Variants in MANEA observed in about 807,000 individuals in gnomAD.
MANEA encodes the protein glycoprotein endo-alpha-1,2-mannosidase.
In MANEA, 25 loss-of-function variants were observed where a neutral mutation model predicts 36.8. That is an observed-to-expected ratio of 0.68 (90% CI 0.50 to 0.95). MANEA has a LOEUF of 0.95. MANEA is among the 40% of genes least tolerant of loss of function. The pLI, the probability that MANEA is intolerant of heterozygous loss-of-function variation, is 0.00. For synonymous variants in MANEA, 198 were observed against 188.5 expected (o/e 1.05, Z -0.41); for missense variants, 565 against 558.8 (o/e 1.01, Z -0.11).
At position 95,596,857 on chromosome 6, in the gene MANEA, T is replaced by G; in HGVS notation, c.654+11T>G. 1 of 1,360,436 alleles carries G rather than the reference T, an allele frequency of 7.4e-7. No homozygotes were observed. The highest frequency in any genetic ancestry group is 1.0e-6 in the Non-Finnish European group (1 of 952,440). The allele number at this position is 1,360,436 out of a possible 1,614,324, so 84.3% of individuals were successfully genotyped here. A position where few individuals can be genotyped will look rare whatever the true frequency, so the allele number is the denominator to read the frequency against. ...AAATATAACCTAAAGGTATTTTATT[T>G]TATTTTCAAGCTATACATAAGTTAA... On this transcript the variant is annotated intron_variant, in intron 3 of 4. Transcript: ENST00000358812.
intron 3 of MANEA, among the ~76,000 whole-genome samples, chr6:95,599,476 C>T (rs1769549292): frequency 6.6e-6 from 1 of 151,690 alleles, no homozygotes; most frequent in Admixed American, 6.6e-5. Flanking sequence ...GAGATTGCAA[C>T]CACTCTTAAA....
At chr6:95,595,076 T>G (rs1314885153) in intron 2 of MANEA, among the ~76,000 whole-genome samples, 1 of 152,212 alleles carries the variant, frequency 6.6e-6, no homozygotes, top group Non-Finnish European at 1.5e-5. Context: ...TTGTTTTTAC[T>G]TTTATGGAAG....
At chr6:95,595,162 C>T (rs1191646261) in intron 2 of MANEA, among the ~76,000 whole-genome samples, 1 of 151,964 alleles carries the variant, frequency 6.6e-6, no homozygotes, top group Non-Finnish European at 1.5e-5. Flanking sequence ...TATTTTGTTC[C>T]TTTCATTTTC....
At position 95,606,009 on chromosome 6, in the gene MANEA, T is replaced by G; in HGVS notation, c.993T>G (p.Tyr331Ter). The change falls in exon 5 of 5, where the codon TAT becomes TAG. Residue 331 changes from tyrosine (Y) to a stop codon, truncating the protein, a stop_gained. Coordinates refer to ENST00000358812, the MANE Select transcript of MANEA (RefSeq NM_024641.4). LOFTEE classifies it high-confidence loss of function. Reference sequence around the variant, plus strand: ...ATTTTGCCACAAATGGCTTTACTTATGGCTCATCACATCAGAATTGGGCTA... The same window carrying G: ...ATTTTGCCACAAATGGCTTTACTTAGGGCTCATCACATCAGAATTGGGCTA... Reference protein sequence around the residue: ...YTYFATNGFTYGSSHQNWASL... With the variant: ...YTYFATNGFT 6.2e-7 allele frequency: 1 copy of G among 1,614,086 alleles called. No individual in the cohort carries two copies. The highest frequency in any genetic ancestry group is 8.5e-7 in the Non-Finnish European group (1 of 1,179,978).
Position 95,596,834 on chromosome 6 carries a change from A to G in MANEA, c.642A>G (p.Lys214=). The G allele has an allele frequency of 6.6e-7, 1 of 1,515,006 alleles. No individual in the cohort carries two copies. Among genetic ancestry groups the G allele is most frequent in the Non-Finnish European group, 9.2e-7 (1 of 1,090,354 alleles). 93.8% of individuals were successfully genotyped at this position (1,515,006 alleles called of 1,614,324 possible). ...LVPTILDKAH[K]YNLKVTFHIE... ...CCACTATTTTGGATAAAGCTCATAAATATAACCTAAAGGTATTTTATTTTA... is the reference window on the plus strand; with the variant it reads ...CCACTATTTTGGATAAAGCTCATAAGTATAACCTAAAGGTATTTTATTTTA... The change falls in exon 3 of 5, where the codon AAA becomes AAG. Residue 214 remains lysine (K), a synonymous_variant. Transcript: ENST00000358812.
At chr6:95,598,491 G>A (rs971156380) in intron 3 of MANEA, among the ~76,000 whole-genome samples, 11 of 152,116 alleles carry the variant, frequency 7.2e-5, no homozygotes, top group African/African-American at 1.9e-4. Context: ...TTCTATATAT[G>A]GGCCTCCAGC....
At chr6:95,590,333 C>T (rs1002445745) in intron 2 of MANEA, among the ~76,000 whole-genome samples, 2 of 152,174 alleles carry the variant, frequency 1.3e-5, no homozygotes, top group Admixed American at 6.5e-5. Flanking sequence ...TTTTCCATGA[C>T]GTTCCAAGCT....
At chr6:95,601,044 GT>G (rs1054486164) in intron 3 of MANEA, among the ~76,000 whole-genome samples, 4 of 151,402 alleles carry the variant, frequency 2.6e-5, no homozygotes, top group Non-Finnish European at 4.4e-5. Context: ...ATGTGACTAG[GT>G]TTTTTTTTGG....
rs1283439728 is a variant in MANEA at position 95,583,702 on chromosome 6, C to G, written c.-38-2700C>G. Among the ~76,000 whole-genome samples, 4 of 152,114 alleles carry G rather than the reference C, an allele frequency of 2.6e-5. No individual in the cohort carries two copies. In the East Asian group the frequency reaches 5.8e-4, roughly 22 times the overall value. On this transcript the variant is annotated intron_variant, in intron 1 of 4. Transcript: ENST00000358812. ...AGGGAGAAGGGCAGGACTGGTGATT[C>G]AGAGGGAGCACGAGAAGTGGAAAGG...
chr6:95,606,693 C>G lies in MANEA; in HGVS notation c.*288C>G, dbSNP rs11153709. ...TGATGGCAATTGAATTTTCATTTTA[C>G]AATAGATAAATGCTTGTGCTACCTA... On this transcript the variant is annotated 3_prime_UTR_variant, in exon 5 of 5. Coordinates refer to ENST00000358812, the MANE Select transcript of MANEA (RefSeq NM_024641.4). 1,778 of 178,430 alleles carry G rather than the reference C, an allele frequency of 1.0e-2. 41 individuals carry two copies. Among genetic ancestry groups the G allele is most frequent in the African/African-American group, 0.041 (1,718 of 42,292 alleles). The allele number at this position is 178,430 out of a possible 1,614,324, so 11.1% of individuals were successfully genotyped here. A position where few individuals can be genotyped will look rare whatever the true frequency, so the allele number is the denominator to read the frequency against.
intron 3 of MANEA, among the ~76,000 whole-genome samples, chr6:95,602,502 T>G (rs969551376): frequency 2.0e-5 from 3 of 152,116 alleles, no homozygotes; most frequent in Admixed American, 6.6e-5. Context: ...TTATTAAAAT[T>G]TATTTATTAA....
At chr6:95,602,041 TCTC>T (rs1423395069) in intron 3 of MANEA, among the ~76,000 whole-genome samples, 1 of 152,198 alleles carries the variant, frequency 6.6e-6, no homozygotes, top group African/African-American at 2.4e-5. Context: ...AGTCATGGCC[TCTC>T]CTTTTTCTTT....
rs371272857 is a variant in MANEA, at chr6:95,602,396, G to C, written c.655-2431G>C. ...GAGTAGGAAGACCTACCTCAATTTT[G>C]TTGTGGCAGGGGATAGGGGAGTGTG... On this transcript the variant is annotated intron_variant, in intron 3 of 4. Coordinates refer to ENST00000358812, the MANE Select transcript of MANEA (RefSeq NM_024641.4). Among the ~76,000 whole-genome samples the C allele has an allele frequency of 2.2e-4, 33 of 152,248 alleles. No individual in the cohort carries two copies. The East Asian group carries it at 4.1e-3, about 19-fold the overall frequency.
At chr6:95,579,161 G>C (rs1361302096) in intron 1 of MANEA, among the ~76,000 whole-genome samples, 1 of 152,178 alleles carries the variant, frequency 6.6e-6, no homozygotes. Flanking sequence ...ATGAGGTCAA[G>C]AGATCGAGAC....
At chr6:95,598,472 ACT>A (rs771370331) in intron 3 of MANEA, among the ~76,000 whole-genome samples, 1 of 152,024 alleles carries the variant, frequency 6.6e-6, no homozygotes, top group Non-Finnish European at 1.5e-5. Flanking sequence ...TGAACTGGAG[ACT>A]CTGTACTTCT....
Position 95,586,665 on chromosome 6 carries a change from T to A in MANEA, c.226T>A (p.Leu76Ile), listed in dbSNP as rs375123676. Reference protein sequence around the residue: ...RINSETNTKNLKSVEITMKPS... With the variant: ...RINSETNTKNIKSVEITMKPS... Reference sequence around the variant, plus strand: ...CAACAGTGAAACAAATACCAAGAATTTAAAAAGTGTTGAAATCACTATGAA... The same window carrying A: ...CAACAGTGAAACAAATACCAAGAATATAAAAAGTGTTGAAATCACTATGAA... Residue 76 changes from leucine to isoleucine, a missense_variant, in exon 2 of 5, where the codon TTA (leucine) becomes ATA (isoleucine). Leu to Ile is a conservative substitution (Grantham distance 5). Coordinates refer to ENST00000358812, the MANE Select transcript of MANEA (RefSeq NM_024641.4). 1 of 1,613,870 alleles carries A rather than the reference T, an allele frequency of 6.2e-7. No homozygotes were observed. Among genetic ancestry groups the A allele is most frequent in the Admixed American group, 1.7e-5 (1 of 59,996 alleles).
At position 95,596,765 on chromosome 6, in the gene MANEA, T is replaced by A; in HGVS notation, c.573T>A (p.Pro191=). 4 of 1,606,674 alleles carry A rather than the reference T, an allele frequency of 2.5e-6. No individual in the cohort carries two copies. Among genetic ancestry groups the A allele is most frequent in the Non-Finnish European group, 3.4e-6 (4 of 1,173,572 alleles). The change falls in exon 3 of 5, where the codon CCT becomes CCA. Residue 191 remains proline, a synonymous_variant. Transcript: ENST00000358812. ...IGVLALSWYP[P]DVNDENGEPT... ...TACTAGCCCTCTCTTGGTACCCACC[T>A]GATGTAAATGATGAAAATGGAGAAC...
At chr6:95,584,409 G>A (rs372723947) in intron 1 of MANEA, among the ~76,000 whole-genome samples, 63 of 152,226 alleles carry the variant, frequency 4.1e-4, no homozygotes, top group African/African-American at 1.4e-3. Context: ...GTCTATAAGC[G>A]GCCGCTCTGG....
chr6:95,588,675 G>C (rs1350662044), intron 2 of MANEA, among the ~76,000 whole-genome samples: 1 of 151,922 alleles, frequency 6.6e-6, no homozygotes, highest in Non-Finnish European at 1.5e-5. Flanking sequence ...TAGATTGACA[G>C]AGGAAATGGT....
Sources: allele counts gnomAD v4.1 joint callset (sites outside exome capture counted in the v4.1 genomes callset), GRCh38; gene constraint gnomAD v4.1.1; transcripts MANE v1.5; gene names NCBI Gene and HGNC (gene_info 2026-07-23, HGNC 2026-07-21).